Variants in RYR2 observed in about 807,000 individuals in gnomAD.
RYR2 encodes ryanodine receptor 2.
In RYR2, 227 loss-of-function variants were observed where a neutral mutation model predicts 601.1. The observed-to-expected ratio is 0.38, with a 90% CI of 0.34 to 0.42. The LOEUF is 0.42. Among genes scored for constraint, RYR2 ranks in the 10% least tolerant of loss-of-function variants. The pLI, the probability that RYR2 is intolerant of heterozygous loss-of-function variation, is 1.00. For missense variants in RYR2, 4,646 were observed against 6,156.5 expected (o/e 0.75, Z 8.21); for synonymous variants, 2,223 against 2,175.1 (o/e 1.02, Z -0.61).
intron 29 of RYR2, among the ~76,000 whole-genome samples, chr1:237,576,205 G>T (rs530659327): frequency 2.0e-5 from 3 of 152,128 alleles, no homozygotes; most frequent in African/African-American, 4.8e-5. Context: ...TCAATCCGTC[G>T]ATCAGACTTT....
intron 84 of RYR2, among the ~76,000 whole-genome samples, chr1:237,766,836 G>C (rs1163901895): frequency 2.0e-5 from 3 of 152,098 alleles, no homozygotes; most frequent in Non-Finnish European, 4.4e-5. Flanking sequence ...TCACATAGTG[G>C]TCATTTTCGT....
At chr1:237,795,710 C>G (rs575356722) in intron 96 of RYR2, among the ~76,000 whole-genome samples, 123 of 151,828 alleles carry the variant, frequency 8.1e-4, no homozygotes, top group Non-Finnish European at 1.4e-3. Flanking sequence ...CTTGACCTAC[C>G]AAAGTGCTGG....
chr1:237,515,940 C>CTG (rs1473798417), intron 24 of RYR2, among the ~76,000 whole-genome samples: 3 of 144,068 alleles, frequency 2.1e-5, no homozygotes, highest in Middle Eastern at 3.6e-3. Flanking sequence ...CCTTCTTCCT[C>CTG]TTCTCCTTGC....
chr1:237,562,932 G>A (rs1671601568), intron 27 of RYR2, among the ~76,000 whole-genome samples: 1 of 152,140 alleles, frequency 6.6e-6, no homozygotes, highest in African/African-American at 2.4e-5. Context: ...CTTACTTTGT[G>A]GCTCAGGTGC....
intron 55 of RYR2, among the ~76,000 whole-genome samples, chr1:237,660,361 T>G (rs1000916853): frequency 6.6e-6 from 1 of 152,156 alleles, no homozygotes; most frequent in African/African-American, 2.4e-5. Flanking sequence ...AAAATCTTCT[T>G]ATCATGCTTA....
intron 1 of RYR2, among the ~76,000 whole-genome samples, chr1:237,138,507 T>C (rs1028741521): frequency 6.6e-6 from 1 of 152,234 alleles, no homozygotes; most frequent in Admixed American, 6.5e-5. Context: ...TATTTTCTTA[T>C]ATGTGGAAAA....
intron 27 of RYR2, among the ~76,000 whole-genome samples, chr1:237,565,977 A>G (rs1672033808): frequency 6.6e-6 from 1 of 152,236 alleles, no homozygotes; most frequent in Non-Finnish European, 1.5e-5. Flanking sequence ...TATGTATAGC[A>G]GATCACAGTG....
intron 17 of RYR2, among the ~76,000 whole-genome samples, chr1:237,474,268 TACAC>T (rs767279068): frequency 2.5e-4 from 19 of 77,488 alleles, no homozygotes; most frequent in African/African-American, 5.3e-4. Flanking sequence ...TATAGATACC[TACAC>T]ACACACACAC....
intron 19 of RYR2, among the ~76,000 whole-genome samples, chr1:237,496,169 C>T (rs866066977): frequency 5.3e-5 from 8 of 152,114 alleles, no homozygotes; most frequent in South Asian, 2.1e-4. Flanking sequence ...CTTGGGAGGT[C>T]GAGGCAGGAG....
At chr1:237,290,429 G>A (rs920866832) in intron 2 of RYR2, among the ~76,000 whole-genome samples, 3 of 152,142 alleles carry the variant, frequency 2.0e-5, no homozygotes, top group Admixed American at 2.0e-4. Context: ...GTCCTATTTT[G>A]TGATTGTGGT....
At chr1:237,488,147 A>G (rs1662904258) in intron 17 of RYR2, among the ~76,000 whole-genome samples, 1 of 152,090 alleles carries the variant, frequency 6.6e-6, no homozygotes, top group Non-Finnish European at 1.5e-5. Flanking sequence ...ACGAAAATTT[A>G]TTGGTCTTCG....
intron 10 of RYR2, among the ~76,000 whole-genome samples, chr1:237,414,574 A>T (rs1374060430): frequency 3.3e-5 from 5 of 152,212 alleles, no homozygotes; most frequent in Non-Finnish European, 7.3e-5. Flanking sequence ...GTACATATTT[A>T]TGGGGTACAA....
At chr1:237,709,596 CCTA>C in intron 70 of RYR2, 29 bp downstream of exon 70, 1 of 1,457,932 alleles carries the variant, frequency 6.9e-7, no homozygotes, top group Non-Finnish European at 9.5e-7. Context: ...ATAGATCACG[CCTA>C]CTGTTTGTAG....
At chr1:237,660,151 T>A in intron 55 of RYR2, 77 bp downstream of exon 55, 2 of 741,432 alleles carry the variant, frequency 2.7e-6, no homozygotes, top group Non-Finnish European at 4.0e-6. Context: ...ATATTTTTTA[T>A]ATTAAAATGT....
At chr1:237,654,144 A>T (rs1268916307) in intron 51 of RYR2, 130 bp from the exon 52 acceptor site, 2 of 1,036,328 alleles carry the variant, frequency 1.9e-6, no homozygotes, top group African/African-American at 1.6e-5. Context: ...AAGATAATTT[A>T]TATGGGATTG....
intron 3 of RYR2, among the ~76,000 whole-genome samples, chr1:237,348,503 A>G (rs1314469414): frequency 2.0e-5 from 3 of 152,150 alleles, no homozygotes; most frequent in African/African-American, 4.8e-5. Flanking sequence ...CTTGGAAGTT[A>G]TGATTACTAG....
intron 48 of RYR2, among the ~76,000 whole-genome samples, chr1:237,643,770 G>A (rs977936813): frequency 1.3e-5 from 2 of 151,638 alleles, no homozygotes; most frequent in African/African-American, 4.9e-5. Flanking sequence ...CCGTCACCAT[G>A]CCCGGCTAAT....
chr1:237,397,507 T>C (rs1702962499), intron 10 of RYR2, among the ~76,000 whole-genome samples: 1 of 152,120 alleles, frequency 6.6e-6, no homozygotes, highest in Admixed American at 6.5e-5. Context: ...AAAGGTGGGA[T>C]ATCTTAAAGT....
At chr1:237,381,556 A>C (rs1701523770) in intron 8 of RYR2, among the ~76,000 whole-genome samples, 1 of 152,188 alleles carries the variant, frequency 6.6e-6, no homozygotes, top group African/African-American at 2.4e-5. Flanking sequence ...TTTTTCTTTC[A>C]CTAACAGCGA....
Sources: allele counts gnomAD v4.1 joint callset (sites outside exome capture counted in the v4.1 genomes callset), GRCh38; gene constraint gnomAD v4.1.1; transcripts MANE v1.5; gene names NCBI Gene and HGNC (gene_info 2026-07-23, HGNC 2026-07-21).